OTX1: variants seen among roughly 807,000 people sequenced by gnomAD.
OTX1 encodes the protein orthodenticle homeobox 1.
In OTX1, 7 loss-of-function variants were observed where a neutral mutation model predicts 26.7. That is an observed-to-expected ratio of 0.26 (90% CI 0.15 to 0.49). The LOEUF is 0.49. Ranked by LOEUF, OTX1 falls within the 20% of genes least tolerant of loss-of-function variation. The pLI is 0.98. For synonymous variants in OTX1, 216 were observed against 212.8 expected (o/e 1.01, Z -0.13); for missense variants, 414 against 483.8 (o/e 0.86, Z 1.35).
intron 3 of OTX1, 94 bp from the exon 4 acceptor site, chr2:63,053,952 GC>G (rs2062045530): frequency 7.1e-7 from 1 of 1,413,444 alleles, no homozygotes. Context: ...TTTTGCGAAG[GC>G]CGAGATCTGG....
rs760699913 is a variant in OTX1 at position 63,056,139 on chromosome 2, T to TCAC, written c.903_905dup (p.His301dup). The TCAC allele has an allele frequency of 7.1e-5, 115 of 1,613,550 alleles. No individual in the cohort carries two copies. Among genetic ancestry groups the TCAC allele is most frequent in the Non-Finnish European group, 9.2e-5 (109 of 1,179,882 alleles). On this transcript the variant is annotated inframe_insertion, in exon 5 of 5. Transcript: ENST00000282549. ...AGTCCTCAGGCCACCACCACCACCA[T>TCAC]CACCACCACCACCACCAAGGCTACG... is the stretch of plus-strand genomic sequence containing the variant.
chr2:63,050,324 G>A (rs943336602), upstream of OTX1, among the ~76,000 whole-genome samples: 1 of 152,188 alleles, frequency 6.6e-6, no homozygotes, highest in African/African-American at 2.4e-5. Flanking sequence ...AGAAAACGCT[G>A]GGGCCCGCGG....
chr2:63,056,165 G>A lies in OTX1; in HGVS notation c.914G>A (p.Gly305Asp), dbSNP rs1319166122. The A allele has an allele frequency of 6.2e-7, 1 of 1,613,990 alleles. No individual in the cohort carries two copies. Among genetic ancestry groups the A allele is most frequent in the Non-Finnish European group, 8.5e-7 (1 of 1,179,996 alleles). Residue 305 changes from glycine to aspartate, a missense_variant, in exon 5 of 5, where the codon GGT becomes GAT. Transcript: ENST00000282549. Reference protein sequence around the residue: ...HHHHHHHQGYGGSGLAFNSAD... With the variant: ...HHHHHHHQGYDGSGLAFNSAD... ...CACCACCACCACCACCAAGGCTACG[G>A]TGGCTCTGGGCTTGCCTTCAACTCT...
chr2:63,055,423 G>A lies in OTX1; in HGVS notation c.250-78G>A, dbSNP rs530391498. 4.1e-6 allele frequency: 6 copies of A among 1,458,200 alleles called. No homozygotes were observed. Among genetic ancestry groups the A allele is most frequent in the South Asian group, 3.9e-5 (3 of 77,462 alleles). The allele number at this position is 1,458,200 out of a possible 1,614,324, so 90.3% of individuals were successfully genotyped here. ...AGGATTGCGATATTCTGGACCGGGA[G>A]TTGGGTCCGCGGGGCGGTGGAGCAA... On this transcript the variant is annotated intron_variant, in intron 4 of 4. Coordinates refer to ENST00000282549, the MANE Select transcript of OTX1 (RefSeq NM_014562.4). The surrounding 1 kb of genome is among the most constrained non-coding windows in gnomAD (Gnocchi z 5.2).
intron 4 of OTX1, 99 bp downstream of exon 4, chr2:63,054,297 G>C: frequency 8.1e-7 from 1 of 1,231,234 alleles, no homozygotes; most frequent in Non-Finnish European, 1.1e-6. Flanking sequence ...AGACCATCCT[G>C]TGGGGGTGGG....
rs1304459043 is a variant in OTX1 at position 63,055,599 on chromosome 2, G to A, written c.348G>A (p.Arg116=). ...CCAAGAAGAAGTCCTCTCCAGTGCGGGAGAGCTCGGGCTCCGAAAGCAGTG... is the reference window on the plus strand; with the variant it reads ...CCAAGAAGAAGTCCTCTCCAGTGCGAGAGAGCTCGGGCTCCGAAAGCAGTG... ...RPAKKKSSPV[R]ESSGSESSGQ... The change falls in exon 5 of 5, where the codon CGG becomes CGA. Residue 116 remains arginine (R), a synonymous_variant. Transcript: ENST00000282549. The surrounding 1 kb of genome is among the most constrained non-coding windows in gnomAD (Gnocchi z 5.2). 4.3e-6 allele frequency: 7 copies of A among 1,614,026 alleles called. No individual in the cohort carries two copies. The East Asian group carries it at 1.1e-4, about 26-fold the overall frequency.
Position 63,055,374 on chromosome 2 carries a change from A to C in OTX1, c.250-127A>C, listed in dbSNP as rs1299183098. The C allele has an allele frequency of 1.0e-6, 1 of 1,001,014 alleles. No individual in the cohort carries two copies. The highest frequency in any genetic ancestry group is 1.6e-5 in the African/African-American group (1 of 61,532). The allele number at this position is 1,001,014 out of a possible 1,614,324, so 62.0% of individuals were successfully genotyped here. A position where few individuals can be genotyped will look rare whatever the true frequency, so the allele number is the denominator to read the frequency against. On this transcript the variant is annotated intron_variant, in intron 4 of 4. Coordinates refer to ENST00000282549, the MANE Select transcript of OTX1 (RefSeq NM_014562.4). The surrounding 1 kb of genome is among the most constrained non-coding windows in gnomAD (Gnocchi z 5.2). ...AGGGTCTGGCCAGGCCAGAGACAGG[A>C]AGGGGCGGAGGCCTCGGTGAGAAAG...
rs2062068379 is a variant in OTX1 at position 63,056,395 on chromosome 2, CCCG to C, written c.*82_*84del. The C allele has an allele frequency of 1.6e-6, 2 of 1,263,638 alleles. No individual in the cohort carries two copies. The highest frequency in any genetic ancestry group is 3.0e-5 in the African/African-American group (2 of 66,942). 78.3% of individuals were successfully genotyped at this position (1,263,638 alleles called of 1,614,324 possible). A position where few individuals can be genotyped will look rare whatever the true frequency, so the allele number is the denominator to read the frequency against. On this transcript the variant is annotated 3_prime_UTR_variant, in exon 5 of 5. Transcript: ENST00000282549. ...CGATCCTGTTGCTGCTGCTGCACCGCCCGCCTTTGCCTCGTCTTCTCCAAAACT... is the reference window on the plus strand; with the variant it reads ...CGATCCTGTTGCTGCTGCTGCACCGCCCTTTGCCTCGTCTTCTCCAAAACT...
upstream of OTX1, among the ~76,000 whole-genome samples, chr2:63,049,788 C>G (rs2062009812): frequency 6.6e-6 from 1 of 152,174 alleles, no homozygotes; most frequent in African/African-American, 2.4e-5. The surrounding 1 kb of genome is among the most constrained non-coding windows in gnomAD (Gnocchi z 4.8). Flanking sequence ...CTTTTTTGCA[C>G]TTTTAAAAGT....
chr2:63,050,424 G>A (rs933817993), upstream of OTX1, among the ~76,000 whole-genome samples: 7 of 152,156 alleles, frequency 4.6e-5, no homozygotes, highest in Non-Finnish European at 1.0e-4. Flanking sequence ...CCTGTAGCGC[G>A]CGGGAGAGCG....
chr2:63,056,426 A>C lies in OTX1; in HGVS notation c.*110A>C. The C allele has an allele frequency of 7.1e-6, 7 of 984,638 alleles. No homozygotes were observed. Among genetic ancestry groups the C allele is most frequent in the Middle Eastern group, 5.2e-4 (2 of 3,844 alleles). The allele number at this position is 984,638 out of a possible 1,614,324, so 61.0% of individuals were successfully genotyped here. A position where few individuals can be genotyped will look rare whatever the true frequency, so the allele number is the denominator to read the frequency against. ...TTTGCCTCGTCTTCTCCAAAACTGA[A>C]TTTTCACCCCCCAAAAAGATGTCCA... On this transcript the variant is annotated 3_prime_UTR_variant, in exon 5 of 5. Coordinates refer to ENST00000282549, the MANE Select transcript of OTX1 (RefSeq NM_014562.4).
In OTX1 at chr2:63,056,220, C is replaced by A. The variant is rs765513748; in HGVS notation, c.969C>A (p.Gly323=). The change falls in exon 5 of 5, where the codon GGC becomes GGA. Residue 323 remains glycine, a synonymous_variant. Coordinates refer to ENST00000282549, the MANE Select transcript of OTX1 (RefSeq NM_014562.4). ...SADCLDYKEP[G]AAAASSAWKL... ...ACTGCTTGGATTACAAGGAGCCTGG[C>A]GCCGCTGCTGCTTCCTCCGCCTGGA... The A allele has an allele frequency of 1.9e-6, 3 of 1,613,994 alleles. No individual in the cohort carries two copies. Among genetic ancestry groups the A allele is most frequent in the Non-Finnish European group, 2.5e-6 (3 of 1,180,036 alleles).
In OTX1 at chr2:63,056,548, G is replaced by A. The variant is rs374357286; in HGVS notation, c.*232G>A. On this transcript the variant is annotated 3_prime_UTR_variant, in exon 5 of 5. Transcript: ENST00000282549. The stretch of plus-strand genomic sequence containing the variant: ...ATGGGGGGACCGGTGCTTCGGCTTG[G>A]CCTACACATTCTATACAGGAGAGAT... The A allele has an allele frequency of 3.4e-5, 20 of 595,058 alleles. No homozygotes were observed. Among genetic ancestry groups the A allele is most frequent in the Admixed American group, 5.9e-5 (2 of 33,698 alleles). The allele number at this position is 595,058 out of a possible 1,614,324, so 36.9% of individuals were successfully genotyped here. A position where few individuals can be genotyped will look rare whatever the true frequency, so the allele number is the denominator to read the frequency against.
At position 63,056,279 on chromosome 2, in the gene OTX1, A is replaced by C. The variant is rs1243584041; in HGVS notation, c.1028A>C (p.Tyr343Ser). Residue 343 changes from tyrosine (Y) to serine (S), a missense_variant, in exon 5 of 5, where the codon TAT becomes TCT. By Grantham distance (144) the Tyr-to-Ser change is moderately radical (BLOSUM62 -2). Coordinates refer to ENST00000282549, the MANE Select transcript of OTX1 (RefSeq NM_014562.4). ...LNFNSPDCLDYKDQASWRFQV... is the reference protein window; with the variant it reads ...LNFNSPDCLDSKDQASWRFQV... ...TTCAACTCCCCCGACTGTCTGGACT[A>C]TAAGGACCAAGCCTCATGGCGGTTC... 1 of 1,614,092 alleles carries C rather than the reference A, an allele frequency of 6.2e-7. No individual in the cohort carries two copies. The highest frequency in any genetic ancestry group is 1.1e-5 in the South Asian group (1 of 91,066).
In OTX1 at chr2:63,056,438, C is replaced by A. The variant is rs1413805266; in HGVS notation, c.*122C>A. On this transcript the variant is annotated 3_prime_UTR_variant, in exon 5 of 5. Coordinates refer to ENST00000282549, the MANE Select transcript of OTX1 (RefSeq NM_014562.4). ...TCTCCAAAACTGAATTTTCACCCCC[C>A]AAAAAGATGTCCATTGCCTGCACTG... 4.4e-6 allele frequency: 4 copies of A among 909,236 alleles called. No individual in the cohort carries two copies. Among genetic ancestry groups the A allele is most frequent in the African/African-American group, 1.7e-5 (1 of 59,522 alleles). The allele number at this position is 909,236 out of a possible 1,614,324, so 56.3% of individuals were successfully genotyped here. A position where few individuals can be genotyped will look rare whatever the true frequency, so the allele number is the denominator to read the frequency against.
In OTX1 at chr2:63,055,883, C is replaced by T; in HGVS notation, c.632C>T (p.Ala211Val). The change falls in exon 5 of 5, where the codon GCT (alanine) becomes GTT (valine). Residue 211 changes from alanine (A) to valine (V), a missense_variant. Physicochemically the swap from Ala to Val is moderately conservative, Grantham distance 64 (BLOSUM62 0). This residue lies in a region of OTX1 where 320 missense variants were observed against 347.9 expected (regional missense o/e 0.92). Transcript: ENST00000282549. The surrounding 1 kb of genome is among the most constrained non-coding windows in gnomAD (Gnocchi z 5.2). Reference sequence around the variant, plus strand: ...ACCTCGTGTATGCAGCGCTCCGTAGCTGCAGGCGCCGCCACCGCAGCAGCC... The same window carrying T: ...ACCTCGTGTATGCAGCGCTCCGTAGTTGCAGGCGCCGCCACCGCAGCAGCC... ...SNTSCMQRSV[A>V]AGAATAAASY... 1.2e-6 allele frequency: 2 copies of T among 1,611,950 alleles called. No individual in the cohort carries two copies. Among genetic ancestry groups the T allele is most frequent in the East Asian group, 2.2e-5 (1 of 44,870 alleles).
upstream of OTX1, chr2:63,050,656 GA>G (rs1488367833): frequency 6.7e-6 from 1 of 149,930 alleles, no homozygotes; most frequent in Non-Finnish European, 1.5e-5. Flanking sequence ...GGAGGGCGGG[GA>G]GGGCGGGGTG....
rs2062069351 is a variant in OTX1 at position 63,056,517 on chromosome 2, C to A, written c.*201C>A. The stretch of plus-strand genomic sequence containing the variant: ...GGGGGATGTGCAAACCCACCCTGCC[C>A]CTTGGATGGGGGGACCGGTGCTTCG... On this transcript the variant is annotated 3_prime_UTR_variant, in exon 5 of 5. Transcript: ENST00000282549. The A allele has an allele frequency of 4.9e-6, 3 of 606,670 alleles. No homozygotes were observed. The highest frequency in any genetic ancestry group is 8.7e-6 in the Non-Finnish European group (3 of 343,680). The allele number at this position is 606,670 out of a possible 1,614,324, so 37.6% of individuals were successfully genotyped here. A position where few individuals can be genotyped will look rare whatever the true frequency, so the allele number is the denominator to read the frequency against.
At chr2:63,052,324 C>G (rs1205481567) in intron 2 of OTX1, 1 of 152,666 alleles carries the variant, frequency 6.6e-6, no homozygotes, top group African/African-American at 2.4e-5. Flanking sequence ...ACAGAGAGGT[C>G]AGCTGGAGTG....
Sources: allele counts gnomAD v4.1 joint callset (sites outside exome capture counted in the v4.1 genomes callset), GRCh38; gene constraint gnomAD v4.1.1; regional missense constraint gnomAD v4.1.1; non-coding constraint Gnocchi (gnomAD v3.1); transcripts MANE v1.5; gene names NCBI Gene and HGNC (gene_info 2026-07-23, HGNC 2026-07-21).